The following DIS3L2 variants were observed in gnomAD, a reference collection of about 807,000 sequenced individuals.
The protein encoded by DIS3L2 is DIS3-like exonuclease 2.
Under a neutral mutation model 97.5 loss-of-function variants are expected in DIS3L2, and 34 were observed. The ratio of observed to expected loss-of-function variants is 0.35; its 90% CI spans 0.27 to 0.46. The LOEUF (loss-of-function observed/expected upper bound fraction) is 0.46, where lower values mean the gene tolerates loss of function less well. Among genes scored for constraint, DIS3L2 ranks in the 20% least tolerant of loss-of-function variants. The pLI, the probability that DIS3L2 is intolerant of heterozygous loss-of-function variation, is 1.00. For missense variants in DIS3L2, 1,038 were observed against 1,146.0 expected (o/e 0.91, Z 1.36); for synonymous variants, 435 against 445.2 (o/e 0.98, Z 0.29).
At chr2:232,194,351 C>A (rs1200264763) in intron 9 of DIS3L2, among the ~76,000 whole-genome samples, 1 of 151,904 alleles carries the variant, frequency 6.6e-6, no homozygotes. Flanking sequence ...ACAGTCCTTT[C>A]CTTTAAAAAG....
intron 5 of DIS3L2, among the ~76,000 whole-genome samples, chr2:232,070,773 C>T (rs1186624823): frequency 6.6e-6 from 1 of 152,040 alleles, no homozygotes; most frequent in Admixed American, 6.6e-5. Context: ...TTAGTAGAGA[C>T]AGGGTTTCAC....
At chr2:232,295,644 A>G (rs1023729529) in intron 13 of DIS3L2, among the ~76,000 whole-genome samples, 1 of 152,044 alleles carries the variant, frequency 6.6e-6, no homozygotes, top group East Asian at 1.9e-4. Context: ...TTCCCATTCC[A>G]TTTCATGAAT....
At chr2:231,981,675 A>G (rs1416490366) in intron 1 of DIS3L2, among the ~76,000 whole-genome samples, 1 of 146,368 alleles carries the variant, frequency 6.8e-6, no homozygotes, top group African/African-American at 2.5e-5. Context: ...ATTTATATAT[A>G]AATAAGTTAA....
chr2:232,323,195 C>G (rs1410976202), intron 14 of DIS3L2, among the ~76,000 whole-genome samples: 2 of 152,246 alleles, frequency 1.3e-5, no homozygotes, highest in Non-Finnish European at 1.5e-5. Context: ...ACAGCACAGA[C>G]TGGCACCTGG....
chr2:232,273,891 T>A (rs530396470), intron 13 of DIS3L2, among the ~76,000 whole-genome samples: 1 of 152,204 alleles, frequency 6.6e-6, no homozygotes, highest in Non-Finnish European at 1.5e-5. Flanking sequence ...ATGATGGGGA[T>A]GAAAGCGATT....
At chr2:232,195,587 G>T (rs1402965405) in intron 9 of DIS3L2, among the ~76,000 whole-genome samples, 4 of 150,066 alleles carry the variant, frequency 2.7e-5, no homozygotes, top group African/African-American at 7.4e-5. Context: ...GTGGGTGGGG[G>T]TGCCACAAGA....
At chr2:232,163,101 A>G (rs914664286) in intron 8 of DIS3L2, among the ~76,000 whole-genome samples, 5 of 152,230 alleles carry the variant, frequency 3.3e-5, no homozygotes, top group East Asian at 1.9e-4. Context: ...GACTTAACGT[A>G]CAGGCACTCT....
intron 9 of DIS3L2, among the ~76,000 whole-genome samples, chr2:232,164,563 C>T (rs1690750059): frequency 6.6e-6 from 1 of 152,166 alleles, no homozygotes; most frequent in Admixed American, 6.5e-5. Context: ...GCTCTGGGTG[C>T]CTGTTACCCA....
At chr2:232,032,816 T>C (rs1317829728) in intron 5 of DIS3L2, among the ~76,000 whole-genome samples, 1 of 152,218 alleles carries the variant, frequency 6.6e-6, no homozygotes, top group Non-Finnish European at 1.5e-5. Context: ...TGTGGTGTTA[T>C]TTCTGAGGCC....
chr2:232,101,310 A>G (rs1455522456), intron 6 of DIS3L2, among the ~76,000 whole-genome samples: 2 of 151,544 alleles, frequency 1.3e-5, no homozygotes, highest in South Asian at 2.1e-4. Flanking sequence ...ATTTATTTGT[A>G]TTTCCTACAG....
At chr2:232,140,838 G>T (rs989110786) in intron 8 of DIS3L2, among the ~76,000 whole-genome samples, 1 of 152,154 alleles carries the variant, frequency 6.6e-6, no homozygotes, top group African/African-American at 2.4e-5. Flanking sequence ...TCTTAGAATT[G>T]TCATGAGAGA....
At chr2:232,230,840 C>T (rs1391391859) in intron 10 of DIS3L2, among the ~76,000 whole-genome samples, 6 of 152,182 alleles carry the variant, frequency 3.9e-5, no homozygotes, top group East Asian at 3.9e-4. Flanking sequence ...ATCCACCTCA[C>T]TAGCCTCCCT....
intron 1 of DIS3L2, among the ~76,000 whole-genome samples, chr2:231,984,845 T>G (rs1693367235): frequency 6.6e-6 from 1 of 152,196 alleles, no homozygotes; most frequent in Non-Finnish European, 1.5e-5. Flanking sequence ...GGTCTTGAAC[T>G]CCTGACCTCA....
chr2:232,005,965 A>G (rs1417334750), intron 1 of DIS3L2, among the ~76,000 whole-genome samples: 2 of 152,178 alleles, frequency 1.3e-5, no homozygotes, highest in East Asian at 3.8e-4. Flanking sequence ...AGGCGGGTGG[A>G]TCACCTGAGG....
At chr2:232,038,940 A>G (rs748087075) in intron 5 of DIS3L2, among the ~76,000 whole-genome samples, 7 of 152,200 alleles carry the variant, frequency 4.6e-5, no homozygotes, top group Non-Finnish European at 1.0e-4. Context: ...AGTGCTACCT[A>G]CTTCTACAAA....
intron 11 of DIS3L2, among the ~76,000 whole-genome samples, chr2:232,239,281 T>G (rs1018319553): frequency 5.9e-5 from 9 of 152,232 alleles, no homozygotes; most frequent in Non-Finnish European, 1.3e-4. Context: ...TCTGTGTACT[T>G]GGACCTGGCA....
At position 232,002,264 on chromosome 2, in the gene DIS3L2, T is replaced by G. The variant is rs115743652; in HGVS notation, c.-93-12571T>G. 6.3e-3 allele frequency among the ~76,000 whole-genome samples: 963 copies of G among 152,300 alleles called. 10 individuals are homozygous for G. The highest frequency in any genetic ancestry group is 0.022 in the African/African-American group (907 of 41,560). ...CTTTGATGCCAGTACTGTGCTGTTT[T>G]GATTACTGTAGGCTATATTTTGAGA... On this transcript the variant is annotated intron_variant, in intron 1 of 20. Coordinates refer to ENST00000325385, the MANE Select transcript of DIS3L2 (RefSeq NM_152383.5).
intron 1 of DIS3L2, among the ~76,000 whole-genome samples, chr2:231,971,552 A>G (rs62199537): frequency 6.6e-6 from 1 of 151,906 alleles, no homozygotes; most frequent in African/African-American, 2.4e-5. Context: ...GGTTCACGCC[A>G]TTCTCCTGCC....
rs187803046 is a variant in DIS3L2, at chr2:232,194,111, A to G, written c.1125-16215A>G. ...GGTGACAGAGTAAGACTCTGTCTCA[A>G]AAGAAAAAGAAAAAGAAAAAAGATT... On this transcript the variant is annotated intron_variant, in intron 9 of 20. Coordinates refer to ENST00000325385, the MANE Select transcript of DIS3L2 (RefSeq NM_152383.5). Among the ~76,000 whole-genome samples the G allele has an allele frequency of 5.4e-3, 821 of 152,154 alleles. 3 individuals are homozygous for G. The highest frequency in any genetic ancestry group is 9.3e-3 in the African/African-American group (385 of 41,500).
Sources: allele counts gnomAD v4.1 joint callset (sites outside exome capture counted in the v4.1 genomes callset), GRCh38; gene constraint gnomAD v4.1.1; transcripts MANE v1.5; gene names NCBI Gene and HGNC (gene_info 2026-07-23, HGNC 2026-07-21).